The following MALRD1 variants were observed in gnomAD, a reference collection of about 807,000 sequenced individuals.
The protein encoded by MALRD1 is MAM and LDL-receptor class A domain-containing protein 1.
In MALRD1, 247 loss-of-function variants were observed where a neutral mutation model predicts 242.1. The ratio of observed to expected loss-of-function variants is 1.02; its 90% CI spans 0.92 to 1.13. The LOEUF (loss-of-function observed/expected upper bound fraction) is 1.13. MALRD1 is among the 50% of genes most tolerant of loss of function. The pLI is 0.00. For synonymous variants in MALRD1, 995 were observed against 866.6 expected (o/e 1.15, Z -2.60); for missense variants, 2,989 against 2,533.1 (o/e 1.18, Z -3.86).
intron 2 of MALRD1, among the ~76,000 whole-genome samples, chr10:19,076,357 T>C (rs1227744197): frequency 2.6e-5 from 4 of 152,044 alleles, no homozygotes; most frequent in Non-Finnish European, 5.9e-5. Flanking sequence ...ATGGATGCTC[T>C]TGTTTTAGGT....
rs183151445 is a variant in MALRD1, at chr10:19,241,273, G to A, written c.2992-16411G>A. ...TCCAAACTCATTATTGATGTGTTCA[G>A]ATGTTATATTTCCTCACAATTTAAT... On this transcript the variant is annotated intron_variant, in intron 18 of 39. Transcript: ENST00000454679. Among the ~76,000 whole-genome samples, 70 of 152,170 alleles carry A rather than the reference G, an allele frequency of 4.6e-4. 1 individual carries two copies. In the South Asian group the frequency reaches 0.011, roughly 25 times the overall value.
intron 32 of MALRD1, among the ~76,000 whole-genome samples, chr10:19,539,897 TGCGC>T (rs1323112743): frequency 3.3e-3 from 147 of 44,386 alleles, no homozygotes; most frequent in Admixed American, 0.02. Flanking sequence ...TGTGTGTGTG[TGCGC>T]GCGCGCGTGC....
At chr10:19,080,169 G>A (rs186178027) in intron 2 of MALRD1, among the ~76,000 whole-genome samples, 14 of 151,978 alleles carry the variant, frequency 9.2e-5, no homozygotes, top group African/African-American at 3.1e-4. Flanking sequence ...GGAGGATGCA[G>A]TATTGTAAAA....
intron 14 of MALRD1, among the ~76,000 whole-genome samples, chr10:19,196,523 G>A (rs1372724181): frequency 7.2e-6 from 1 of 138,542 alleles, no homozygotes; most frequent in African/African-American, 2.7e-5. Flanking sequence ...CATGGCATGG[G>A]GCACCACTCT....
intron 36 of MALRD1, among the ~76,000 whole-genome samples, chr10:19,682,069 T>C (rs1842394886): frequency 6.6e-6 from 1 of 152,156 alleles, no homozygotes; most frequent in Admixed American, 6.5e-5. Context: ...TTCAGACTTA[T>C]TAGAACAATT....
intron 32 of MALRD1, among the ~76,000 whole-genome samples, chr10:19,566,660 T>C (rs1001271363): frequency 1.3e-5 from 2 of 151,006 alleles, no homozygotes; most frequent in African/African-American, 4.8e-5. Context: ...AATATAAATA[T>C]ATAGAGATAT....
chr10:19,450,440 T>TG lies in MALRD1; in HGVS notation c.4982dup (p.Gly1662ArgfsTer6). ...TTTCAAGGTATCAGAACAAGGGACC[T>TG]GGGAGGAGGAGCTGCAATTGATGAT... is the stretch of plus-strand genomic sequence containing the variant. On this transcript the variant is annotated frameshift_variant, in exon 29 of 40. Coordinates refer to ENST00000454679, the MANE Select transcript of MALRD1 (RefSeq NM_001142308.3). LOFTEE classifies it high-confidence loss of function. 2 of 1,550,546 alleles carry TG rather than the reference T, an allele frequency of 1.3e-6. No individual in the cohort carries two copies. The highest frequency in any genetic ancestry group is 1.7e-6 in the Non-Finnish European group (2 of 1,146,930).
intron 26 of MALRD1, among the ~76,000 whole-genome samples, chr10:19,363,024 G>C (rs1021348600): frequency 6.6e-6 from 1 of 152,034 alleles, no homozygotes; most frequent in Admixed American, 6.6e-5. Flanking sequence ...AGATTTCATG[G>C]GGGAGAGTTC....
Position 19,204,280 on chromosome 10 carries a change from C to CG in MALRD1, c.2105-27dup, listed in dbSNP as rs1588693750. On this transcript the variant is annotated intron_variant, in intron 15 of 39. Transcript: ENST00000454679. ...TTTAGAATCCAATAGGTTAATGAAG[C>CG]GTTTTTTTTTTTTTTTTATCTCAAC... 1.2e-5 allele frequency: 12 copies of CG among 1,008,142 alleles called. No individual in the cohort carries two copies. The East Asian group carries it at 2.0e-4, about 17-fold the overall frequency. 62.4% of individuals were successfully genotyped at this position (1,008,142 alleles called of 1,614,324 possible).
At chr10:19,500,276 C>G (rs955282693) in intron 31 of MALRD1, among the ~76,000 whole-genome samples, 1 of 152,050 alleles carries the variant, frequency 6.6e-6, no homozygotes, top group African/African-American at 2.4e-5. Context: ...GCTTTTGTTT[C>G]CCTTAAAAAC....
At chr10:19,612,323 A>ACT (rs1838938683) in intron 35 of MALRD1, among the ~76,000 whole-genome samples, 1 of 151,728 alleles carries the variant, frequency 6.6e-6, no homozygotes. Flanking sequence ...GGAGCTCCTT[A>ACT]CTCTCATCTT....
chr10:19,163,258 G>A (rs1328445871), intron 12 of MALRD1, among the ~76,000 whole-genome samples: 5 of 150,346 alleles, frequency 3.3e-5, no homozygotes, highest in Admixed American at 3.3e-4. Flanking sequence ...CCACCTAGAT[G>A]CCCAGCAATG....
intron 28 of MALRD1, among the ~76,000 whole-genome samples, chr10:19,432,434 A>T (rs113981094): frequency 2.0e-5 from 3 of 152,188 alleles, no homozygotes; most frequent in Admixed American, 6.5e-5. Flanking sequence ...TATTAGTTGG[A>T]TAGGGAAGTT....
At chr10:19,120,527 A>C (rs1397689338) in intron 5 of MALRD1, among the ~76,000 whole-genome samples, 1 of 152,204 alleles carries the variant, frequency 6.6e-6, no homozygotes, top group Non-Finnish European at 1.5e-5. Context: ...AAAGGAACCA[A>C]GCACAAAGGC....
intron 22 of MALRD1, among the ~76,000 whole-genome samples, chr10:19,324,529 C>G (rs897428021): frequency 9.2e-5 from 14 of 151,434 alleles, no homozygotes; most frequent in Non-Finnish European, 1.3e-4. Flanking sequence ...AAACGTTAAG[C>G]TGTTTTAAAC....
chr10:19,154,921 A>G (rs550447154), intron 11 of MALRD1, among the ~76,000 whole-genome samples, 154 bp from the exon 12 acceptor site: 59 of 152,326 alleles, frequency 3.9e-4, no homozygotes, highest in African/African-American at 1.2e-3. Context: ...TATAAATGCT[A>G]TTTGTTATCT....
intron 24 of MALRD1, among the ~76,000 whole-genome samples, chr10:19,343,343 T>C (rs1843968032): frequency 6.6e-6 from 1 of 152,072 alleles, no homozygotes; most frequent in Non-Finnish European, 1.5e-5. Flanking sequence ...CTAACTATGG[T>C]CCAGTATTAA....
At chr10:19,116,707 C>G (rs1355400754) in intron 5 of MALRD1, among the ~76,000 whole-genome samples, 7 of 152,168 alleles carry the variant, frequency 4.6e-5, no homozygotes, top group Non-Finnish European at 8.8e-5. Context: ...TTGGCAAAGC[C>G]TTATTCCACT....
chr10:19,514,408 T>A (rs1483660337), intron 31 of MALRD1, among the ~76,000 whole-genome samples: 1 of 152,098 alleles, frequency 6.6e-6, no homozygotes, highest in Non-Finnish European at 1.5e-5. Context: ...GTTTTACACC[T>A]CTCTTTTAAT....
Sources: gnomAD v4.1 joint callset for allele counts (sites outside exome capture counted in the v4.1 genomes callset) on GRCh38, gnomAD v4.1.1 for gene constraint, MANE v1.5 for transcripts, NCBI Gene and HGNC (gene_info 2026-07-23, HGNC 2026-07-21) for gene names.